MYCBP2: variants seen among roughly 807,000 people sequenced by gnomAD.
The protein encoded by MYCBP2 is E3 ubiquitin-protein ligase MYCBP2.
Under a neutral mutation model 525.3 loss-of-function variants are expected in MYCBP2, and 120 were observed. That is an observed-to-expected ratio of 0.23 (90% CI 0.20 to 0.27). MYCBP2 has a LOEUF of 0.27. Ranked by LOEUF, MYCBP2 falls within the 10% of genes least tolerant of loss-of-function variation. The probability of loss-of-function intolerance (pLI) is 1.00; values close to 1 mark genes in which losing one functional copy is unlikely to be tolerated. For missense variants in MYCBP2, 4,149 were observed against 5,657.1 expected (o/e 0.73, Z 8.55); for synonymous variants, 1,894 against 1,955.8 (o/e 0.97, Z 0.83).
chr13:77,196,488 G>A (rs188539457), intron 26 of MYCBP2, among the ~76,000 whole-genome samples: 9 of 152,344 alleles, frequency 5.9e-5, no homozygotes, highest in Admixed American at 1.3e-4. Context: ...ATACAAATGA[G>A]AATGGCTGTG....
chr13:77,096,870 A>G (rs189779365), intron 56 of MYCBP2, among the ~76,000 whole-genome samples: 29 of 152,316 alleles, frequency 1.9e-4, no homozygotes, highest in Admixed American at 1.6e-3. Flanking sequence ...AAAGAAAAAA[A>G]TTAACCAAAT....
chr13:77,075,689 G>T (rs1217547291), intron 68 of MYCBP2: 1 of 152,052 alleles, frequency 6.6e-6, no homozygotes, highest in Non-Finnish European at 1.5e-5. Flanking sequence ...GGGGTGAGGG[G>T]AATGCAGAGG....
intron 2 of MYCBP2, 141 bp from the exon 3 acceptor site, chr13:77,288,517 G>A (rs918891534): frequency 4.1e-6 from 3 of 730,490 alleles, no homozygotes; most frequent in Non-Finnish European, 6.6e-6. Context: ...CTAAGTCTAT[G>A]GACCCAACTT....
At chr13:77,088,189 C>T (rs1218398474) in intron 61 of MYCBP2, among the ~76,000 whole-genome samples, 1 of 152,038 alleles carries the variant, frequency 6.6e-6, no homozygotes, top group Non-Finnish European at 1.5e-5. Flanking sequence ...TTATAAGATA[C>T]AATACCAAAA....
chr13:77,102,555 C>G (rs983696430), intron 55 of MYCBP2, among the ~76,000 whole-genome samples: 4 of 151,110 alleles, frequency 2.6e-5, no homozygotes, highest in African/African-American at 9.7e-5. Context: ...TGTAGTGTTT[C>G]AAAAAACCAA....
chr13:77,219,886 G>T (rs1302103224), intron 20 of MYCBP2, among the ~76,000 whole-genome samples: 8 of 152,030 alleles, frequency 5.3e-5, no homozygotes, highest in Admixed American at 5.2e-4. Context: ...TCCTAAATTT[G>T]CAAGCAAATT....
chr13:77,059,015 A>G lies in MYCBP2; in HGVS notation c.13140+508T>C, dbSNP rs539566368. The stretch of plus-strand genomic sequence containing the variant: ...AATAAAAAATAAAAAAAGTTCCCCA[A>G]TGTATAATTTCCCAGTCACCACTCT... On this transcript the variant is annotated intron_variant, in intron 77 of 82. Transcript: ENST00000544440. Among the ~76,000 whole-genome samples the G allele has an allele frequency of 4.0e-4, 61 of 151,958 alleles. 1 individual carries two copies. Among genetic ancestry groups the G allele is most frequent in the African/African-American group, 1.5e-3 (61 of 41,480 alleles).
chr13:77,150,130 T>C (rs1161469622), intron 47 of MYCBP2, among the ~76,000 whole-genome samples: 1 of 152,140 alleles, frequency 6.6e-6, no homozygotes, highest in Non-Finnish European at 1.5e-5. Flanking sequence ...AAATATATAT[T>C]TTTTAAATGT....
intron 15 of MYCBP2, among the ~76,000 whole-genome samples, chr13:77,248,287 T>C (rs1397197122): frequency 2.0e-5 from 3 of 152,108 alleles, no homozygotes; most frequent in Admixed American, 2.0e-4. Flanking sequence ...ATTTTAAAAA[T>C]TTTCTGCTTG....
chr13:77,190,685 A>G (rs2061215998), intron 28 of MYCBP2, among the ~76,000 whole-genome samples: 1 of 152,074 alleles, frequency 6.6e-6, no homozygotes, highest in Non-Finnish European at 1.5e-5. Flanking sequence ...GTGTGCCATG[A>G]CATTCCAAGT....
At chr13:77,174,910 T>TAATATATTATATATATTTTAAATATA (rs1555383643) in intron 36 of MYCBP2, among the ~76,000 whole-genome samples, 1 of 84,292 alleles carries the variant, frequency 1.2e-5, no homozygotes, top group African/African-American at 7.0e-5. Flanking sequence ...TATATATATA[T>TAATATATTATATATATTTTAAATATA]AATATATATT....
At chr13:77,224,760 C>T (rs551416249) in intron 19 of MYCBP2, among the ~76,000 whole-genome samples, 4 of 152,158 alleles carry the variant, frequency 2.6e-5, no homozygotes, top group South Asian at 2.1e-4. Context: ...CTTAAAAATT[C>T]GTATAAATGC....
intron 1 of MYCBP2, among the ~76,000 whole-genome samples, chr13:77,325,126 AG>A (rs372591009): frequency 2.0e-3 from 304 of 152,370 alleles, no homozygotes; most frequent in African/African-American, 6.6e-3. Context: ...TGGTTAACCT[AG>A]AAAAAGTGTG....
chr13:77,050,351 T>C (rs1163873836), intron 82 of MYCBP2, among the ~76,000 whole-genome samples: 1 of 152,154 alleles, frequency 6.6e-6, no homozygotes, highest in African/African-American at 2.4e-5. Flanking sequence ...AGATATATCT[T>C]ATGTAAAATT....
chr13:77,068,622 G>A lies in MYCBP2; in HGVS notation c.12114C>T (p.Thr4038=). 1.2e-6 allele frequency: 2 copies of A among 1,614,136 alleles called. No homozygotes were observed. The highest frequency in any genetic ancestry group is 1.7e-6 in the Non-Finnish European group (2 of 1,180,026). ...VGRQYLAQQL[T]LLQDLFSLLH... ...GCAGCGAGAAGAGATCCTGAAGCAG[G>A]GTTAGCTGTTGAGCCAGATATTGCC... is the stretch of plus-strand genomic sequence containing the variant. Residue 4038 remains threonine (T), a synonymous_variant, in exon 70 of 83, where the codon ACC becomes ACT. Coordinates refer to ENST00000544440, the MANE Select transcript of MYCBP2 (RefSeq NM_015057.5).
chr13:77,274,881 CTCT>C (rs1423890362), intron 4 of MYCBP2, among the ~76,000 whole-genome samples: 1 of 152,152 alleles, frequency 6.6e-6, no homozygotes, highest in African/African-American at 2.4e-5. Context: ...CCCCCTTCCT[CTCT>C]TCACTTGTCT....
intron 1 of MYCBP2, among the ~76,000 whole-genome samples, chr13:77,311,257 A>T (rs1326892395): frequency 2.0e-5 from 3 of 152,222 alleles, no homozygotes; most frequent in Non-Finnish European, 2.9e-5. Flanking sequence ...ACAGAAAGGG[A>T]TCCCCTAAAC....
chr13:77,146,196 C>A lies in MYCBP2; in HGVS notation c.7153G>T (p.Glu2385Ter). 2 of 1,596,336 alleles carry A rather than the reference C, an allele frequency of 1.3e-6. No homozygotes were observed. The highest frequency in any genetic ancestry group is 8.5e-7 in the Non-Finnish European group (1 of 1,172,488). Reference protein sequence around the residue: ...MMKVYENYSFEELRFASPTPK... With the variant: ...MMKVYENYSF ...GTTGGTGATGCAAAACGTAGTTCTT[C>A]AAATGAATAATTTTCATAAACCTTT... is the stretch of plus-strand genomic sequence containing the variant. The change falls in exon 48 of 83, where the codon GAA becomes TAA. Residue 2385 changes from glutamate (E) to a stop codon, truncating the protein, a stop_gained. Transcript: ENST00000544440. LOFTEE classifies it high-confidence loss of function.
intron 68 of MYCBP2, among the ~76,000 whole-genome samples, chr13:77,071,309 A>ACACACACAC (rs755286964): frequency 9.4e-5 from 14 of 149,128 alleles, no homozygotes; most frequent in African/African-American, 1.3e-4. Context: ...ACACACACAC[A>ACACACACAC]AATCTTATCT....
Sources: allele counts gnomAD v4.1 joint callset (sites outside exome capture counted in the v4.1 genomes callset), GRCh38; gene constraint gnomAD v4.1.1; transcripts MANE v1.5; gene names NCBI Gene and HGNC (gene_info 2026-07-23, HGNC 2026-07-21).